WNK1: variants seen among roughly 807,000 people sequenced by gnomAD.
WNK1 encodes the protein WNK lysine deficient protein kinase 1.
Under a neutral mutation model 222.8 loss-of-function variants are expected in WNK1, and 38 were observed. That is an observed-to-expected ratio of 0.17 (90% CI 0.13 to 0.22). The LOEUF (loss-of-function observed/expected upper bound fraction) is 0.22, where lower values mean the gene tolerates loss of function less well. Among genes scored for constraint, WNK1 ranks in the 10% least tolerant of loss-of-function variants. WNK1 has a pLI of 1.00. For synonymous variants in WNK1, 1,090 were observed against 1,092.9 expected (o/e 1.00, Z 0.05); for missense variants, 2,348 against 2,918.4 (o/e 0.80, Z 4.50).
rs750205260 is a variant in WNK1, at chr12:859,320, A to C, written c.1476A>C (p.Glu492Asp). 5 of 1,613,830 alleles carry C rather than the reference A, an allele frequency of 3.1e-6. No individual in the cohort carries two copies. The highest frequency in any genetic ancestry group is 1.1e-5 in the South Asian group (1 of 91,082). Residue 492 changes from glutamate to aspartate, a missense_variant, in exon 6 of 28, where the codon GAA becomes GAC. This residue lies in a region of WNK1 where 37 missense variants were observed against 102.8 expected (regional missense o/e 0.36). Coordinates refer to ENST00000315939, the MANE Select transcript of WNK1 (RefSeq NM_018979.4). Reference sequence around the variant, plus strand: ...GAGTACGGGTAGAATTAGCAGAAGAAGATGATGGAGAAAAAATAGCCATAA... The same window carrying C: ...GAGTACGGGTAGAATTAGCAGAAGACGATGATGGAGAAAAAATAGCCATAA... ...ETGVRVELAE[E>D]DDGEKIAIKL...
intron 2 of WNK1, among the ~76,000 whole-genome samples, chr12:821,294 A>G (rs1053690667): frequency 2.6e-5 from 4 of 152,108 alleles, no homozygotes; most frequent in African/African-American, 9.7e-5. Flanking sequence ...GTGTTAGTCT[A>G]TAGTTTTCTT....
chr12:843,796 T>C (rs769473397), intron 4 of WNK1, among the ~76,000 whole-genome samples: 2 of 152,228 alleles, frequency 1.3e-5, no homozygotes, highest in Non-Finnish European at 2.9e-5. Flanking sequence ...TGTAAAATTT[T>C]GGCCCCATTC....
At chr12:812,148 A>G (rs1326816923) in intron 1 of WNK1, among the ~76,000 whole-genome samples, 3 of 152,184 alleles carry the variant, frequency 2.0e-5, no homozygotes, top group African/African-American at 7.2e-5. Context: ...CATTTTTAAA[A>G]ATCAAAAGCT....
chr12:795,322 G>C (rs1945212673), intron 1 of WNK1, among the ~76,000 whole-genome samples: 1 of 138,008 alleles, frequency 7.2e-6, no homozygotes, highest in African/African-American at 2.7e-5. Context: ...TCTTGAGTCA[G>C]TTTCTGATAT....
At chr12:902,989 TTTC>T (rs1331606852) in intron 26 of WNK1, among the ~76,000 whole-genome samples, 6 of 152,346 alleles carry the variant, frequency 3.9e-5, no homozygotes, top group Non-Finnish European at 8.8e-5. Flanking sequence ...GCCATCACTG[TTTC>T]TGAGTATGGG....
At chr12:818,125 A>T (rs543923892) in intron 2 of WNK1, among the ~76,000 whole-genome samples, 1 of 152,330 alleles carries the variant, frequency 6.6e-6, no homozygotes, top group Non-Finnish European at 1.5e-5. Flanking sequence ...AAGTTACTCA[A>T]CATTTTAATC....
intron 1 of WNK1, among the ~76,000 whole-genome samples, chr12:765,577 A>T (rs892485690): frequency 2.5e-5 from 3 of 120,326 alleles, no homozygotes; most frequent in Admixed American, 1.6e-4. Flanking sequence ...ATCATTGCAG[A>T]AAATTCTTTT....
rs756087008 is a variant in WNK1 at position 887,234 on chromosome 12, G to A, written c.5294G>A (p.Gly1765Asp). 2.5e-6 allele frequency: 4 copies of A among 1,614,142 alleles called. No homozygotes were observed. Among genetic ancestry groups the A allele is most frequent in the Non-Finnish European group, 3.4e-6 (4 of 1,180,010 alleles). The part of the protein sequence containing the change: ...PLTKAPVLPV[G>D]TELPAGTLPS... Reference sequence around the variant, plus strand: ...TGTTGTCTGTAGGTGCTGCCAGTGGGTACTGAACTTCCAGCAGGTACTCTA... The same window carrying A: ...TGTTGTCTGTAGGTGCTGCCAGTGGATACTGAACTTCCAGCAGGTACTCTA... The change falls in exon 20 of 28, where the codon GGT becomes GAT. Residue 1765 changes from glycine to aspartate, a missense_variant. By Grantham distance (94) the Gly-to-Asp change is moderately conservative (BLOSUM62 -1). Transcript: ENST00000315939.
intron 1 of WNK1, among the ~76,000 whole-genome samples, chr12:809,418 G>A (rs902498281): frequency 6.6e-6 from 1 of 151,534 alleles, no homozygotes; most frequent in African/African-American, 2.4e-5. Flanking sequence ...TTCTTTATGC[G>A]ATAGACCCCA....
At chr12:838,365 G>GTGGGAA (rs1294016980) in intron 4 of WNK1, among the ~76,000 whole-genome samples, 2 of 152,016 alleles carry the variant, frequency 1.3e-5, no homozygotes, top group Non-Finnish European at 2.9e-5. Context: ...CCCACCATCA[G>GTGGGAA]TGTAAGAGAA....
rs752836735 is a variant in WNK1, at chr12:857,139, T to TATTAATAAAAATA, written c.1312-19_1312-18insAATAAAAATAATT. On this transcript the variant is annotated intron_variant, in intron 4 of 27. Transcript: ENST00000315939. Reference sequence around the variant, plus strand: ...TTCAAAGGCCCTGCTTTTATTAATGTATTTCTGTTTATGGTTTTCAGGGGG... The same window carrying TATTAATAAAAATA: ...TTCAAAGGCCCTGCTTTTATTAATGTATTAATAAAAATAATTTCTGTTTATGGTTTTCAGGGGG... 1.1e-4 allele frequency: 173 copies of TATTAATAAAAATA among 1,610,672 alleles called. 2 individuals carry two copies. The Middle Eastern group carries it at 1.5e-3, about 14-fold the overall frequency.
chr12:859,504 A>G, intron 6 of WNK1, 40 bp downstream of exon 6: 1 of 1,456,716 alleles, frequency 6.9e-7, no homozygotes, highest in Non-Finnish European at 9.6e-7. Context: ...ATTTAGACTT[A>G]TATATATCAA....
At chr12:795,293 GTTGT>G (rs1591734736) in intron 1 of WNK1, among the ~76,000 whole-genome samples, 1 of 117,422 alleles carries the variant, frequency 8.5e-6, no homozygotes, top group African/African-American at 3.0e-5. Context: ...CAGATTTTCC[GTTGT>G]TTTTTTTTTT....
chr12:883,655 T>C (rs746661096), intron 16 of WNK1, 87 bp downstream of exon 16: 6 of 1,599,256 alleles, frequency 3.8e-6, no homozygotes, highest in East Asian at 2.2e-5. Context: ...TCCAGTGATA[T>C]CACCTGACAC....
At chr12:804,112 A>T (rs1269243860) in intron 1 of WNK1, among the ~76,000 whole-genome samples, 1 of 152,228 alleles carries the variant, frequency 6.6e-6, no homozygotes, top group East Asian at 1.9e-4. Flanking sequence ...TACCAAGTAT[A>T]AGAAGCAGAA....
chr12:905,066 A>C (rs139778410), intron 26 of WNK1, among the ~76,000 whole-genome samples: 1 of 152,314 alleles, frequency 6.6e-6, no homozygotes, highest in East Asian at 1.9e-4. Context: ...TGTTAGTAGG[A>C]TCTGGTGATG....
chr12:908,255 G>C, intron 27 of WNK1: 3 of 760,894 alleles, frequency 3.9e-6, no homozygotes, highest in Non-Finnish European at 6.4e-6. Context: ...TTTTTCCTTC[G>C]TCATCCTCAA....
At chr12:857,484 A>G (rs1466928798) in intron 5 of WNK1, among the ~76,000 whole-genome samples, 1 of 152,260 alleles carries the variant, frequency 6.6e-6, no homozygotes, top group Non-Finnish European at 1.5e-5. Flanking sequence ...CACCATAAAC[A>G]TAGCTACATT....
chr12:782,475 T>C (rs763706575), intron 1 of WNK1, among the ~76,000 whole-genome samples: 2 of 151,624 alleles, frequency 1.3e-5, no homozygotes, highest in Non-Finnish European at 2.9e-5. Context: ...TTGGATATAT[T>C]ACTCTGCGGT....
Sources: gnomAD v4.1 joint callset for allele counts (sites outside exome capture counted in the v4.1 genomes callset) on GRCh38, gnomAD v4.1.1 for gene constraint, gnomAD v4.1.1 regional missense constraint, MANE v1.5 for transcripts, NCBI Gene and HGNC (gene_info 2026-07-23, HGNC 2026-07-21) for gene names.